Variants in COBL observed in about 807,000 individuals in gnomAD.
The protein encoded by COBL is cordon-bleu WH2 repeat protein, also known as protein cordon-bleu.
In COBL, 51 loss-of-function variants were observed where a neutral mutation model predicts 98.8. That is an observed-to-expected ratio of 0.52 (90% confidence interval 0.41 to 0.65). COBL has a LOEUF of 0.65. Among genes scored for constraint, COBL ranks in the 30% least tolerant of loss-of-function variants. The pLI is 0.00. For missense variants in COBL, 1,617 were observed against 1,617.5 expected, an observed-to-expected ratio of 1.00 and a Z score of 0.01; for synonymous variants, 634 against 651.7, an observed-to-expected ratio of 0.97 and a Z score of 0.41.
intron 7 of COBL, among the ~76,000 whole-genome samples, chr7:51,062,856 C>T (rs1439596748): frequency 6.6e-6 from 1 of 152,150 alleles, no homozygotes; most frequent in Non-Finnish European, 1.5e-5. Flanking sequence ...CTGTGAGACA[C>T]CCGTGGAGAG....
At chr7:51,118,771 C>A (rs79570032) in intron 6 of COBL, among the ~76,000 whole-genome samples, 12,731 of 152,178 alleles carry the variant, frequency 0.084, 769 homozygotes, top group South Asian at 0.17. Flanking sequence ...GGGATGGATT[C>A]AAATCCAGGC....
At chr7:51,132,826 G>A (rs1340124080) in intron 6 of COBL, among the ~76,000 whole-genome samples, 5 of 152,008 alleles carry the variant, frequency 3.3e-5, no homozygotes, top group South Asian at 2.1e-4. Context: ...GAGCAAGGAC[G>A]GAGGGGCTGC....
At chr7:51,293,970 C>A (rs1468002560) in intron 1 of COBL, among the ~76,000 whole-genome samples, 3 of 152,096 alleles carry the variant, frequency 2.0e-5, no homozygotes, top group South Asian at 2.1e-4. Context: ...CAGTCTGTAG[C>A]TATTTGCCTA....
chr7:51,315,259 C>CAAAAA (rs71021769), intron 1 of COBL, among the ~76,000 whole-genome samples: 5 of 137,516 alleles, frequency 3.6e-5, no homozygotes, highest in South Asian at 2.4e-4. Context: ...AAGTGCACTG[C>CAAAAA]AAAAAAAAAA....
At chr7:51,187,327 TATATACACACACACAC>T (rs1362866124) in intron 4 of COBL, among the ~76,000 whole-genome samples, 1 of 139,038 alleles carries the variant, frequency 7.2e-6, no homozygotes, top group Admixed American at 7.5e-5. Flanking sequence ...TATATATATA[TATATACACACACACAC>T]ACACACACAC....
chr7:51,055,842 A>C (rs1790694951), intron 7 of COBL, among the ~76,000 whole-genome samples: 1 of 151,404 alleles, frequency 6.6e-6, no homozygotes, highest in Non-Finnish European at 1.5e-5. Context: ...TATTCCCTGC[A>C]ATAGTTCAAA....
intron 1 of COBL, among the ~76,000 whole-genome samples, chr7:51,232,607 C>T (rs745452427): frequency 6.6e-5 from 10 of 152,200 alleles, no homozygotes; most frequent in African/African-American, 9.6e-5. Flanking sequence ...GTCAGGAGAT[C>T]GAGACCATCC....
In COBL at chr7:51,081,069, C is replaced by T. The variant is rs549235979; in HGVS notation, c.1096+4097G>A. Among the ~76,000 whole-genome samples, 8 of 152,192 alleles carry T rather than the reference C, an allele frequency of 5.3e-5. No individual in the cohort carries two copies. The South Asian group carries it at 1.0e-3, about 20-fold the overall frequency. On this transcript the variant is annotated intron_variant, in intron 7 of 12. Transcript: ENST00000265136. The stretch of plus-strand genomic sequence containing the variant: ...CTCCGAGATGCTTGAACATGTGGTG[C>T]GCTGGCAGCCAGGAGCGCGGGGCAG...
chr7:51,232,979 T>C (rs986813874), intron 1 of COBL, among the ~76,000 whole-genome samples: 25 of 152,194 alleles, frequency 1.6e-4, no homozygotes, highest in African/African-American at 5.8e-4. Context: ...CGTAGATAAC[T>C]ATGCAAGTGA....
At chr7:51,244,688 C>T (rs1584291482) in intron 1 of COBL, among the ~76,000 whole-genome samples, 1 of 152,172 alleles carries the variant, frequency 6.6e-6, no homozygotes, top group East Asian at 1.9e-4. Context: ...GAAACAGGCC[C>T]TCCCCACAAA....
At chr7:51,057,863 A>T (rs903073835) in intron 7 of COBL, among the ~76,000 whole-genome samples, 4 of 151,966 alleles carry the variant, frequency 2.6e-5, no homozygotes, top group Non-Finnish European at 5.9e-5. Context: ...CAGGGACCCC[A>T]TTTTCCCCTC....
chr7:51,039,019 C>T (rs1402262649), intron 8 of COBL, among the ~76,000 whole-genome samples: 1 of 152,070 alleles, frequency 6.6e-6, no homozygotes, highest in African/African-American at 2.4e-5. Flanking sequence ...AGGGTAGGGC[C>T]AGGAGGCTCG....
chr7:51,100,565 A>T, intron 6 of COBL, among the ~76,000 whole-genome samples: 1 of 152,220 alleles, frequency 6.6e-6, no homozygotes, highest in African/African-American at 2.4e-5. Flanking sequence ...TTAAGGGTCC[A>T]CATTAAGCTG....
intron 2 of COBL, among the ~76,000 whole-genome samples, chr7:51,199,784 A>G (rs967845490): frequency 5.3e-5 from 8 of 151,810 alleles, no homozygotes; most frequent in African/African-American, 1.9e-4. Context: ...GTTAGAAGAA[A>G]AAAAAAAAAA....
At chr7:51,141,132 A>T (rs1354823746) in intron 5 of COBL, among the ~76,000 whole-genome samples, 1 of 152,136 alleles carries the variant, frequency 6.6e-6, no homozygotes, top group Non-Finnish European at 1.5e-5. Flanking sequence ...GATTTAAAAA[A>T]AAAAAAAGAG....
At chr7:51,278,283 C>T (rs773063672) in intron 1 of COBL, among the ~76,000 whole-genome samples, 14 of 152,182 alleles carry the variant, frequency 9.2e-5, no homozygotes, top group Middle Eastern at 3.4e-3. Context: ...TCAGTGAGAG[C>T]CCAGAGCCAG....
chr7:51,066,555 G>A (rs1488640538), intron 7 of COBL, among the ~76,000 whole-genome samples: 4 of 152,282 alleles, frequency 2.6e-5, no homozygotes, highest in African/African-American at 9.6e-5. Flanking sequence ...TCATCTACGT[G>A]CTGTTTTCTT....
rs189040687 is a variant in COBL at position 51,017,202 on chromosome 7, G to C, written c.*349C>G. 374 of 528,194 alleles carry C rather than the reference G, an allele frequency of 7.1e-4. 1 individual carries two copies. Among genetic ancestry groups the C allele is most frequent in the Non-Finnish European group, 7.4e-4 (224 of 301,136 alleles). The allele number at this position is 528,194 out of a possible 1,614,324, so 32.7% of individuals were successfully genotyped here. A position where few individuals can be genotyped will look rare whatever the true frequency, so the allele number is the denominator to read the frequency against. On this transcript the variant is annotated 3_prime_UTR_variant, in exon 13 of 13. Transcript: ENST00000265136. ...TAAAAGTCTCAAAGGTCCAAAATCA[G>C]TCTAAGGCATGATTCTTTTTACTTT...
Position 51,028,914 on chromosome 7 carries a change from T to A in COBL, c.2182A>T (p.Thr728Ser), listed in dbSNP as rs776293831. 12 of 1,614,160 alleles carry A rather than the reference T, an allele frequency of 7.4e-6. No homozygotes were observed. Among genetic ancestry groups the A allele is most frequent in the Middle Eastern group, 3.3e-4 (2 of 6,062 alleles). Residue 728 changes from threonine to serine, a missense_variant, in exon 10 of 13, where the codon ACC becomes TCC. This residue lies in a region of COBL where 1,304 missense variants were observed against 1,282.0 expected (regional missense o/e 1.02). Transcript: ENST00000265136. Reference protein sequence around the residue: ...RCYDRDVSLSTGAIKIDELGN... With the variant: ...RCYDRDVSLSSGAIKIDELGN... The stretch of plus-strand genomic sequence containing the variant: ...AGCTCGTCAATCTTAATGGCTCCGG[T>A]GGAGAGGGACACATCTCTGTCGTAA...
Sources: gnomAD v4.1 joint callset for allele counts (sites outside exome capture counted in the v4.1 genomes callset) on GRCh38, gnomAD v4.1.1 for gene constraint, gnomAD v4.1.1 regional missense constraint, MANE v1.5 for transcripts, NCBI Gene and HGNC (gene_info 2026-07-23, HGNC 2026-07-21) for gene names.